The following CREBBP variants were observed in gnomAD, a reference collection of about 807,000 sequenced individuals.
CREBBP encodes CREB binding lysine acetyltransferase.
CREBBP carries 19 observed loss-of-function variants against 265.0 expected under a neutral mutation model. The ratio of observed to expected loss-of-function variants is 0.07; its 90% CI spans 0.05 to 0.11. CREBBP has a LOEUF of 0.11. Ranked by LOEUF, CREBBP falls within the 10% of genes least tolerant of loss-of-function variation. The probability of loss-of-function intolerance (pLI) is 1.00; values close to 1 mark genes in which losing one functional copy is unlikely to be tolerated. For synonymous variants in CREBBP, 1,457 were observed against 1,223.7 expected (o/e 1.19, Z -3.98); for missense variants, 2,525 against 3,219.0 (o/e 0.78, Z 5.22).
chr16:3,822,022 T>C (rs2054150401), intron 2 of CREBBP, among the ~76,000 whole-genome samples: 1 of 151,788 alleles, frequency 6.6e-6, no homozygotes, highest in African/African-American at 2.4e-5. Context: ...ACCACTGCAC[T>C]CCAGCCTGGG....
At chr16:3,780,419 G>A (rs2053246344) in intron 8 of CREBBP, among the ~76,000 whole-genome samples, 2 of 152,236 alleles carry the variant, frequency 1.3e-5, no homozygotes, top group Admixed American at 6.5e-5. Context: ...GCCCCCTCAC[G>A]CAGCCTAAAG....
intron 11 of CREBBP, among the ~76,000 whole-genome samples, chr16:3,775,984 T>G (rs2053129262): frequency 6.6e-6 from 1 of 151,938 alleles, no homozygotes; most frequent in African/African-American, 2.4e-5. Flanking sequence ...TGGTGTGATC[T>G]CAACTCACTG....
At chr16:3,736,863 G>T in intron 26 of CREBBP, 48 bp from the exon 27 acceptor site, 3 of 1,611,004 alleles carry the variant, frequency 1.9e-6, no homozygotes, top group Non-Finnish European at 8.5e-7. Context: ...AGTGAAATCG[G>T]CCCTGCCTTT....
In CREBBP at chr16:3,780,839, TCCAATGTTA is replaced by T; in HGVS notation, c.1707_1715del (p.Asn570_Gly572del). ...CTGCTGTTGGTATAGTGCTGAGGGT[TCCAATGTTA>T]CCAGAGTTGGAGCCATCGTTCATCA... On this transcript the variant is annotated inframe_deletion, in exon 8 of 31. Transcript: ENST00000262367. The T allele has an allele frequency of 5.6e-6, 9 of 1,613,804 alleles. No homozygotes were observed. Among genetic ancestry groups the T allele is most frequent in the East Asian group, 2.2e-5 (1 of 44,870 alleles).
Position 3,738,689 on chromosome 16 carries a change from C to T in CREBBP, c.4281-17G>A, listed in dbSNP as rs914110816. ...TACACACGCCTGTGGGAAGGAGGCA[C>T]ATGTTTAACTCAGGGTATCCCTCAA... On this transcript the variant is annotated splice_polypyrimidine_tract_variant and intron_variant, in intron 25 of 30. Coordinates refer to ENST00000262367, the MANE Select transcript of CREBBP (RefSeq NM_004380.3). 6.7e-7 allele frequency: 1 copy of T among 1,494,428 alleles called. No individual in the cohort carries two copies. Among genetic ancestry groups the T allele is most frequent in the Non-Finnish European group, 9.3e-7 (1 of 1,073,096 alleles). The allele number at this position is 1,494,428 out of a possible 1,614,324, so 92.6% of individuals were successfully genotyped here.
chr16:3,774,414 AT>A (rs900702799), intron 12 of CREBBP, among the ~76,000 whole-genome samples, 154 bp downstream of exon 12: 2 of 152,158 alleles, frequency 1.3e-5, no homozygotes, highest in Non-Finnish European at 2.9e-5. Flanking sequence ...TGTAGTAATA[AT>A]TTTTTTAAAA....
At chr16:3,778,212 A>G in intron 9 of CREBBP, 30 bp from the exon 10 acceptor site, 6 of 1,548,670 alleles carry the variant, frequency 3.9e-6, no homozygotes, top group African/African-American at 1.4e-5. Context: ...AATATGAAAC[A>G]GTTAAAACTG....
At chr16:3,841,830 T>A (rs922812741) in intron 2 of CREBBP, among the ~76,000 whole-genome samples, 3 of 152,198 alleles carry the variant, frequency 2.0e-5, no homozygotes, top group African/African-American at 7.2e-5. Context: ...GTGAGCTGGT[T>A]AGAAATGTAA....
At chr16:3,823,957 A>AACACACACACAC (rs57902688) in intron 2 of CREBBP, among the ~76,000 whole-genome samples, 15 of 148,134 alleles carry the variant, frequency 1.0e-4, no homozygotes, top group African/African-American at 2.5e-4. Context: ...AGGCTGTGGC[A>AACACACACACAC]ACACACACAC....
chr16:3,796,170 T>C (rs1208809576), intron 3 of CREBBP, among the ~76,000 whole-genome samples: 1 of 152,210 alleles, frequency 6.6e-6, no homozygotes, highest in Non-Finnish European at 1.5e-5. Flanking sequence ...GCAAAAAATT[T>C]AGCTCTACAA....
intron 2 of CREBBP, among the ~76,000 whole-genome samples, chr16:3,844,167 A>T (rs1459733159): frequency 6.6e-6 from 1 of 150,794 alleles, no homozygotes; most frequent in African/African-American, 2.4e-5. Context: ...AAAAAAAAAA[A>T]AAAAAAGACT....
chr16:3,744,965 C>T lies in CREBBP; in HGVS notation c.3915-4G>A. 3 of 1,609,042 alleles carry T rather than the reference C, an allele frequency of 1.9e-6. No homozygotes were observed. The highest frequency in any genetic ancestry group is 2.6e-6 in the Non-Finnish European group (3 of 1,175,456). On this transcript the variant is annotated splice_polypyrimidine_tract_variant and splice_region_variant and intron_variant, in intron 22 of 30. Transcript: ENST00000262367. ...CAAGCAGTTGTCGCACACAAAACTG[C>T]AAAATAATAGTGGTATGATGAGACT...
At chr16:3,870,156 T>A (rs1218562426) in intron 1 of CREBBP, among the ~76,000 whole-genome samples, 1 of 151,766 alleles carries the variant, frequency 6.6e-6, no homozygotes, top group Non-Finnish European at 1.5e-5. Flanking sequence ...AAAAAAAAAA[T>A]CACACCAAAT....
intron 13 of CREBBP, among the ~76,000 whole-genome samples, chr16:3,771,597 A>C (rs2053010218): frequency 6.6e-6 from 1 of 151,914 alleles, no homozygotes; most frequent in Non-Finnish European, 1.5e-5. Context: ...CAGTCTTGGA[A>C]CGCCTGAAAC....
At chr16:3,794,331 CAAAAAAAAAAAAAAAAAAA>C (rs746656673) in intron 3 of CREBBP, among the ~76,000 whole-genome samples, 3 of 39,594 alleles carry the variant, frequency 7.6e-5, no homozygotes, top group Non-Finnish European at 1.4e-4. Flanking sequence ...GACTCCGTCT[CAAAAAAAAAAAAAAAAAAA>C]AAAAAAAAAA....
intron 22 of CREBBP, 100 bp downstream of exon 22, chr16:3,745,177 A>G (rs965396803): frequency 1.1e-4 from 124 of 1,161,606 alleles, no homozygotes; most frequent in Non-Finnish European, 1.5e-4. Context: ...TAATCGCTGA[A>G]TTCTTGCTGA....
intron 30 of CREBBP, 143 bp from the exon 31 acceptor site, chr16:3,730,017 C>A: frequency 7.2e-7 from 1 of 1,398,318 alleles, no homozygotes; most frequent in Non-Finnish European, 9.7e-7. Flanking sequence ...GATGCGAGCA[C>A]GGACAGGTGG....
Position 3,731,555 on chromosome 16 carries a change from G to C in CREBBP, c.4891-82C>G, listed in dbSNP as rs2151318091. On this transcript the variant is annotated intron_variant, in intron 29 of 30. Transcript: ENST00000262367. The surrounding 1 kb of genome is among the most constrained non-coding windows in gnomAD (Gnocchi z 7.7). ...AGCTCAGGGCAGGCGCAGCCACCCA[G>C]CCTGCAGAATAGGCAGGTGGCTGAG... is the stretch of plus-strand genomic sequence containing the variant. 6.6e-7 allele frequency: 1 copy of C among 1,517,298 alleles called. No homozygotes were observed. Among genetic ancestry groups the C allele is most frequent in the Non-Finnish European group, 8.9e-7 (1 of 1,121,338 alleles). 94.0% of individuals were successfully genotyped at this position (1,517,298 alleles called of 1,614,324 possible).
intron 3 of CREBBP, among the ~76,000 whole-genome samples, chr16:3,801,664 C>T (rs2053715905): frequency 6.6e-6 from 1 of 151,998 alleles, no homozygotes; most frequent in African/African-American, 2.4e-5. Context: ...GAGCAACATT[C>T]TGTCTAAAAA....
Sources: allele counts gnomAD v4.1 joint callset (sites outside exome capture counted in the v4.1 genomes callset), GRCh38; gene constraint gnomAD v4.1.1; non-coding constraint Gnocchi (gnomAD v3.1); transcripts MANE v1.5; gene names NCBI Gene and HGNC (gene_info 2026-07-23, HGNC 2026-07-21).